The following CDH9 variants were observed in gnomAD, a reference collection of about 807,000 sequenced individuals.
CDH9 encodes the protein cadherin 9.
Under a neutral mutation model 70.9 loss-of-function variants are expected in CDH9, and 28 were observed. That is an observed-to-expected ratio of 0.40 (90% CI 0.29 to 0.54). The LOEUF is 0.54. Among genes scored for constraint, CDH9 ranks in the 20% least tolerant of loss-of-function variants. CDH9 has a pLI of 0.59. For missense variants in CDH9, 874 were observed against 984.4 expected, an observed-to-expected ratio of 0.89 and a Z score of 1.50; for synonymous variants, 409 against 343.1, an observed-to-expected ratio of 1.19 and a Z score of -2.12.
intron 1 of CDH9, among the ~76,000 whole-genome samples, chr5:27,008,973 C>T (rs1039460316): frequency 3.9e-5 from 6 of 152,240 alleles, no homozygotes; most frequent in East Asian, 1.9e-4. Flanking sequence ...AATAAGGTTA[C>T]TTTGTCTAAC....
chr5:26,989,723 A>AC (rs879892107), intron 1 of CDH9, among the ~76,000 whole-genome samples: 1 of 152,100 alleles, frequency 6.6e-6, no homozygotes, highest in Non-Finnish European at 1.5e-5. Context: ...TAAGCCAGAA[A>AC]CCCAATGTTG....
chr5:26,930,226 T>C (rs1741418274), intron 2 of CDH9, among the ~76,000 whole-genome samples: 1 of 152,042 alleles, frequency 6.6e-6, no homozygotes, highest in South Asian at 2.1e-4. Context: ...TTTTAAAAAT[T>C]AGGAGTAAGG....
rs1322355436 is a variant in CDH9 at position 26,881,362 on chromosome 5, A to G, written c.2144T>C (p.Phe715Ser). The part of the protein sequence containing the change: ...PLWENIDVQD[F>S]IHRRLKENDA... ...GTTTTCTTTTAATCTTCGATGGATA[A>G]AATCTTGTACATCAATATTTTCCCA... Residue 715 changes from phenylalanine to serine, a missense_variant, in exon 12 of 12, where the codon TTT becomes TCT. Physicochemically the swap from Phe to Ser is radical, Grantham distance 155. Transcript: ENST00000231021. 6.2e-7 allele frequency: 1 copy of G among 1,613,544 alleles called. No homozygotes were observed. Among genetic ancestry groups the G allele is most frequent in the Non-Finnish European group, 8.5e-7 (1 of 1,179,744 alleles).
At chr5:26,924,549 A>C (rs1481873324) in intron 2 of CDH9, among the ~76,000 whole-genome samples, 12 of 147,088 alleles carry the variant, frequency 8.2e-5, no homozygotes, top group African/African-American at 2.8e-4. Context: ...TAAAATAAGT[A>C]TTTTATATAT....
chr5:26,941,691 G>A (rs1324876914), intron 2 of CDH9, among the ~76,000 whole-genome samples: 1 of 152,160 alleles, frequency 6.6e-6, no homozygotes, highest in Non-Finnish European at 1.5e-5. Context: ...TGTGTGCTTG[G>A]GTAGTGATCA....
intron 2 of CDH9, among the ~76,000 whole-genome samples, chr5:26,952,836 G>A (rs1384524882): frequency 6.7e-6 from 1 of 149,118 alleles, no homozygotes; most frequent in East Asian, 2.0e-4. Context: ...ACCTGAGCTC[G>A]GGCTGGGAAT....
At chr5:26,938,284 T>C (rs1741596323) in intron 2 of CDH9, among the ~76,000 whole-genome samples, 1 of 151,632 alleles carries the variant, frequency 6.6e-6, no homozygotes, top group Non-Finnish European at 1.5e-5. Flanking sequence ...TCATTATCTA[T>C]TATATATATT....
At chr5:26,981,550 A>G (rs900992437) in intron 2 of CDH9, among the ~76,000 whole-genome samples, 2 of 152,086 alleles carry the variant, frequency 1.3e-5, no homozygotes, top group Non-Finnish European at 2.9e-5. Context: ...AACTGTACTA[A>G]AAATATCAGC....
At chr5:26,924,562 G>A (rs926622368) in intron 2 of CDH9, among the ~76,000 whole-genome samples, 133 of 147,338 alleles carry the variant, frequency 9.0e-4, no homozygotes, top group African/African-American at 3.2e-3. Context: ...TTATATATAT[G>A]TAATACTTTC....
intron 2 of CDH9, among the ~76,000 whole-genome samples, chr5:26,987,768 A>T (rs971580145): frequency 2.6e-5 from 4 of 152,088 alleles, no homozygotes; most frequent in African/African-American, 9.6e-5. Flanking sequence ...TCTCATACAG[A>T]GTACACTATT....
In CDH9 at chr5:26,897,894, C is replaced by T. The variant is rs146532735; in HGVS notation, c.1253+4582G>A. 8.4e-3 allele frequency among the ~76,000 whole-genome samples: 1,286 copies of T among 152,244 alleles called. 16 individuals are homozygous for T. Among genetic ancestry groups the T allele is most frequent in the African/African-American group, 0.03 (1,229 of 41,540 alleles). ...GAGGAAGTCAAATTGTGTCTGTTTG[C>T]AGATGACATGATTGTATATTTAGAA... On this transcript the variant is annotated intron_variant, in intron 7 of 11. Coordinates refer to ENST00000231021, the MANE Select transcript of CDH9 (RefSeq NM_016279.4).
At chr5:26,899,774 C>A (rs931971761) in intron 7 of CDH9, among the ~76,000 whole-genome samples, 1 of 151,402 alleles carries the variant, frequency 6.6e-6, no homozygotes, top group South Asian at 2.1e-4. Context: ...ATGTAGATGA[C>A]GGTTTGATGG....
intron 2 of CDH9, among the ~76,000 whole-genome samples, chr5:26,945,947 G>A (rs1180529223): frequency 6.6e-6 from 1 of 151,984 alleles, no homozygotes; most frequent in Non-Finnish European, 1.5e-5. Context: ...CCTTGCAAGT[G>A]GATTATTTAA....
chr5:27,035,655 T>G (rs1466353057), intron 1 of CDH9, among the ~76,000 whole-genome samples: 1 of 150,492 alleles, frequency 6.6e-6, no homozygotes, highest in East Asian at 2.0e-4. Context: ...AAAATTACTC[T>G]ATGTTAATAT....
intron 2 of CDH9, among the ~76,000 whole-genome samples, chr5:26,917,333 G>A (rs1243668445): frequency 1.3e-5 from 2 of 151,668 alleles, no homozygotes; most frequent in Admixed American, 6.6e-5. Context: ...ATTTATTCAG[G>A]AGTAATAATC....
intron 11 of CDH9, 21 bp downstream of exon 11, chr5:26,885,593 A>T: frequency 6.2e-7 from 1 of 1,608,570 alleles, no homozygotes; most frequent in South Asian, 1.1e-5. Context: ...TTAAAGGATC[A>T]TTCAGAGGGG....
chr5:26,951,228 G>A (rs993228189), intron 2 of CDH9, among the ~76,000 whole-genome samples: 2 of 143,786 alleles, frequency 1.4e-5, no homozygotes, highest in Non-Finnish European at 3.0e-5. Flanking sequence ...GGGAGGTGGA[G>A]GTTGCAGTGA....
At chr5:27,033,132 A>G (rs1743336717) in intron 1 of CDH9, among the ~76,000 whole-genome samples, 1 of 151,304 alleles carries the variant, frequency 6.6e-6, no homozygotes, top group Non-Finnish European at 1.5e-5. Context: ...CAAGTCAACC[A>G]TTGTAGATGG....
intron 2 of CDH9, among the ~76,000 whole-genome samples, chr5:26,977,596 AGGG>A (rs1742325084): frequency 6.6e-6 from 1 of 151,928 alleles, no homozygotes; most frequent in South Asian, 2.1e-4. Flanking sequence ...AATTTCTTTG[AGGG>A]AATACTTCAT....
Sources: allele counts gnomAD v4.1 joint callset (sites outside exome capture counted in the v4.1 genomes callset), GRCh38; gene constraint gnomAD v4.1.1; transcripts MANE v1.5; gene names NCBI Gene and HGNC (gene_info 2026-07-23, HGNC 2026-07-21).